Variants in ANK1 observed in about 807,000 individuals in gnomAD.
ANK1 encodes the protein ankyrin-1.
Under a neutral mutation model 210.4 loss-of-function variants are expected in ANK1, and 51 were observed. That is an observed-to-expected ratio of 0.24 (90% confidence interval 0.19 to 0.31). The LOEUF (loss-of-function observed/expected upper bound fraction) is 0.31, where lower values mean the gene tolerates loss of function less well. Among genes scored for constraint, ANK1 ranks in the 10% least tolerant of loss-of-function variants. ANK1 has a pLI of 1.00. For missense variants in ANK1, 2,051 were observed against 2,504.4 expected (o/e 0.82, Z 3.86); for synonymous variants, 967 against 1,025.9 (o/e 0.94, Z 1.10).
chr8:41,715,192 G>C (rs1827290247), intron 14 of ANK1, 118 bp from the exon 15 acceptor site: 2 of 953,048 alleles, frequency 2.1e-6, no homozygotes, highest in Admixed American at 2.2e-5. Context: ...GAAAGCAAAG[G>C]CACAGCCATT....
intron 1 of ANK1, among the ~76,000 whole-genome samples, chr8:41,819,046 T>G (rs1426789795): frequency 6.6e-6 from 1 of 152,170 alleles, no homozygotes; most frequent in Non-Finnish European, 1.5e-5. Context: ...ACAGGGTAGA[T>G]CTACCAGCCT....
Position 41,733,067 on chromosome 8 carries a change from C to T in ANK1, c.228+904G>A, listed in dbSNP as rs1042281329. Among the ~76,000 whole-genome samples, 3 of 152,204 alleles carry T rather than the reference C, an allele frequency of 2.0e-5. No homozygotes were observed. In the East Asian group the frequency reaches 5.8e-4, roughly 29 times the overall value. On this transcript the variant is annotated intron_variant, in intron 3 of 42. Coordinates refer to ENST00000289734, the MANE Select transcript of ANK1 (RefSeq NM_000037.4). The stretch of plus-strand genomic sequence containing the variant: ...TCATTTTATTTTTAATTGCTGGCTG[C>T]ATCTTGTTTGATAAATAAGATGCAT...
At chr8:41,860,887 A>T (rs572894982) in intron 1 of ANK1, among the ~76,000 whole-genome samples, 17 of 152,230 alleles carry the variant, frequency 1.1e-4, no homozygotes, top group Admixed American at 2.0e-4. Context: ...TGCTACCAAC[A>T]GAAGCCTGCA....
Position 41,690,170 on chromosome 8 carries a change from G to T in ANK1, c.4104+57C>A, listed in dbSNP as rs367713001. The T allele has an allele frequency of 5.0e-5, 81 of 1,612,540 alleles. No homozygotes were observed. In the African/African-American group the frequency reaches 9.3e-4, roughly 19 times the overall value. ...AGTGCTGGACCTGGGGTCTGTTTGG[G>T]GACCTCCTACAGGGAAGCCGTCTCG... On this transcript the variant is annotated intron_variant, in intron 33 of 42. Transcript: ENST00000289734.
In ANK1 at chr8:41,653,370, A is replaced by T. The variant is rs963683452; in HGVS notation, c.*2420T>A. ...GAAAAGATCCATTTTCATAACAATT[A>T]AAAAAATCAAGGTAATTTCAAAACT... On this transcript the variant is annotated 3_prime_UTR_variant, in exon 43 of 43. Coordinates refer to ENST00000289734, the MANE Select transcript of ANK1 (RefSeq NM_000037.4). 1.6e-4 allele frequency: 24 copies of T among 152,646 alleles called. No individual in the cohort carries two copies. The highest frequency in any genetic ancestry group is 5.1e-4 in the African/African-American group (21 of 41,448). 9.5% of individuals were successfully genotyped at this position (152,646 alleles called of 1,614,324 possible).
chr8:41,755,031 T>TG (rs1838763276), intron 2 of ANK1, among the ~76,000 whole-genome samples: 1 of 152,224 alleles, frequency 6.6e-6, no homozygotes, highest in African/African-American at 2.4e-5. Flanking sequence ...TTTCATAACT[T>TG]GTGGCAGTGT....
rs1187946711 is a variant in ANK1 at position 41,698,105 on chromosome 8, T to C, written c.2575A>G (p.Ile859Val). The change falls in exon 24 of 43, where the codon ATC becomes GTC. Residue 859 changes from isoleucine (I) to valine (V), a missense_variant. This residue lies in a region of ANK1 where 1,413 missense variants were observed against 1,707.4 expected (regional missense o/e 0.83). Transcript: ENST00000289734. ...KLDQVVESPA[I>V]PRIPCAMPET... ...GGCATGGCACAGGGAATCCTGGGGA[T>C]GGCTGGAGATTCCACCCTGCGTGCC... 16 of 1,614,138 alleles carry C rather than the reference T, an allele frequency of 9.9e-6. No individual in the cohort carries two copies. In the East Asian group the frequency reaches 3.6e-4, roughly 36 times the overall value.
intron 32 of ANK1, 61 bp from the exon 33 acceptor site, chr8:41,690,407 G>T: frequency 1.2e-6 from 2 of 1,614,202 alleles, no homozygotes; most frequent in South Asian, 1.1e-5. Flanking sequence ...CGGCTGTCTG[G>T]TTTAGGGAAT....
chr8:41,814,513 T>C (rs1255363756), intron 1 of ANK1, among the ~76,000 whole-genome samples: 1 of 152,200 alleles, frequency 6.6e-6, no homozygotes, highest in Non-Finnish European at 1.5e-5. Flanking sequence ...GATCATAAAG[T>C]TATCAGAAAC....
At chr8:41,895,556 G>A (rs1820321928) in intron 1 of ANK1, among the ~76,000 whole-genome samples, 1 of 152,112 alleles carries the variant, frequency 6.6e-6, no homozygotes. Context: ...GGCCTATTTT[G>A]TCTCGGCACC....
At chr8:41,890,105 T>A (rs1819135760) in intron 1 of ANK1, among the ~76,000 whole-genome samples, 1 of 152,242 alleles carries the variant, frequency 6.6e-6, no homozygotes, top group Non-Finnish European at 1.5e-5. Flanking sequence ...AAGAATAACT[T>A]TATGAACAAT....
At chr8:41,797,792 A>G (rs1432233359), upstream of ANK1, among the ~76,000 whole-genome samples, 1 of 151,862 alleles carries the variant, frequency 6.6e-6, no homozygotes, top group East Asian at 2.0e-4. This position sits in a 1 kb window ranked among gnomAD's most constrained non-coding sequence, Gnocchi z 4.0. Context: ...CCCGCTCCCC[A>G]GGCCTCGGCC....
intron 1 of ANK1, among the ~76,000 whole-genome samples, chr8:41,863,519 G>A (rs866315990): frequency 1.1e-4 from 16 of 152,284 alleles, no homozygotes; most frequent in Middle Eastern, 6.8e-3. Flanking sequence ...TGTCTTGCTA[G>A]GCATCTTTGG....
intron 20 of ANK1, among the ~76,000 whole-genome samples, chr8:41,702,986 A>ATT (rs566591083): frequency 0.036 from 5,279 of 147,906 alleles, 164 homozygotes; most frequent in African/African-American, 0.088. Context: ...CACTCAGCTA[A>ATT]TTTTTTTTTT....
chr8:41,848,347 T>A (rs1810488083), intron 1 of ANK1, among the ~76,000 whole-genome samples: 1 of 152,218 alleles, frequency 6.6e-6, no homozygotes, highest in African/African-American at 2.4e-5. Context: ...GTAGAGTAAG[T>A]AATCCCTTTG....
intron 1 of ANK1, among the ~76,000 whole-genome samples, chr8:41,761,158 T>C (rs1390201169): frequency 2.0e-5 from 3 of 149,808 alleles, no homozygotes; most frequent in African/African-American, 7.4e-5. Context: ...TGCACATATA[T>C]GTGTATGCAC....
intron 2 of ANK1, among the ~76,000 whole-genome samples, chr8:41,748,690 T>A (rs960492654): frequency 6.6e-6 from 1 of 152,240 alleles, no homozygotes; most frequent in Non-Finnish European, 1.5e-5. Flanking sequence ...TCCCAGGACC[T>A]GCTCATCTTT....
In ANK1 at chr8:41,696,354, C is replaced by T. The variant is rs1820939729; in HGVS notation, c.2960+9G>A. 6.2e-7 allele frequency: 1 copy of T among 1,613,026 alleles called. No individual in the cohort carries two copies. ...CAGGGGAGAACACGGGCTGCCCGCG[C>T]AAGCTCACCTCAGGAACTGTGCCCC... On this transcript the variant is annotated intron_variant, in intron 26 of 42. Transcript: ENST00000289734.
rs1236274958 is a variant in ANK1 at position 41,838,532 on chromosome 8, G to C, written c.126+57823C>G. 2.0e-5 allele frequency among the ~76,000 whole-genome samples: 3 copies of C among 152,020 alleles called. No homozygotes were observed. The South Asian group carries it at 6.2e-4, about 32-fold the overall frequency. On this transcript the variant is annotated intron_variant, in intron 1 of 42. Transcript: ENST00000265709. ...TGTAATTGCAGCACTTTGGGAGGCC[G>C]AGGCCGGCGGATCACCTGAGGTCAG... is the stretch of plus-strand genomic sequence containing the variant.
Sources: gnomAD v4.1 joint callset for allele counts (sites outside exome capture counted in the v4.1 genomes callset) on GRCh38, gnomAD v4.1.1 for gene constraint, gnomAD v4.1.1 regional missense constraint, Gnocchi (gnomAD v3.1) non-coding constraint, MANE v1.5 for transcripts, NCBI Gene and HGNC (gene_info 2026-07-23, HGNC 2026-07-21) for gene names.